Variants in STX8 observed in about 807,000 individuals in gnomAD.
The protein encoded by STX8 is syntaxin 8.
STX8 carries 23 observed loss-of-function variants against 37.5 expected under a neutral mutation model. The observed-to-expected ratio is 0.61, with a 90% confidence interval of 0.44 to 0.87. STX8 has a LOEUF of 0.87. Ranked by LOEUF, STX8 falls within the 40% of genes least tolerant of loss-of-function variation. STX8 has a pLI of 0.00. For synonymous variants in STX8, 115 were observed against 99.1 expected, an observed-to-expected ratio of 1.16 and a Z score of -0.95; for missense variants, 313 against 284.7, an observed-to-expected ratio of 1.10 and a Z score of -0.71.
At chr17:9,419,622 C>A (rs1913349806) in intron 6 of STX8, among the ~76,000 whole-genome samples, 1 of 152,170 alleles carries the variant, frequency 6.6e-6, no homozygotes, top group East Asian at 1.9e-4. Flanking sequence ...TCTTACATTG[C>A]ATGGTGAAAA....
At chr17:9,535,004 T>G (rs1905970235) in intron 4 of STX8, among the ~76,000 whole-genome samples, 1 of 152,146 alleles carries the variant, frequency 6.6e-6, no homozygotes, top group African/African-American at 2.4e-5. Flanking sequence ...GATGAGAAGA[T>G]GAACTACTAA....
chr17:9,351,702 A>G, intron 7 of STX8, among the ~76,000 whole-genome samples: 1 of 152,126 alleles, frequency 6.6e-6, no homozygotes, highest in East Asian at 1.9e-4. Context: ...CCTTTAATCT[A>G]CAATTCTTCT....
At chr17:9,420,264 C>T (rs993943993) in intron 6 of STX8, among the ~76,000 whole-genome samples, 11 of 152,244 alleles carry the variant, frequency 7.2e-5, no homozygotes, top group African/African-American at 2.7e-4. Context: ...TCCTTGCCCA[C>T]AGCAGCGGCC....
intron 7 of STX8, among the ~76,000 whole-genome samples, chr17:9,373,831 C>T (rs557234896): frequency 1.1e-3 from 165 of 151,522 alleles, no homozygotes; most frequent in Admixed American, 2.2e-3. Context: ...CCCAGCCACT[C>T]AGGAGGCTGA....
chr17:9,489,348 C>T (rs1034496919), intron 6 of STX8, among the ~76,000 whole-genome samples: 5 of 152,136 alleles, frequency 3.3e-5, no homozygotes, highest in African/African-American at 1.2e-4. Context: ...GTTTTAAAAG[C>T]AGCCCAGGTG....
chr17:9,360,381 TGCACCACCAC>T (rs958174100), intron 7 of STX8, among the ~76,000 whole-genome samples: 50 of 151,782 alleles, frequency 3.3e-4, no homozygotes, highest in African/African-American at 9.9e-4. Context: ...ATTACAGTCG[TGCACCACCAC>T]GCCCAGCTCA....
intron 7 of STX8, among the ~76,000 whole-genome samples, chr17:9,263,468 A>T (rs748913751): frequency 1.3e-5 from 2 of 152,162 alleles, no homozygotes; most frequent in Non-Finnish European, 2.9e-5. Flanking sequence ...AACAAGAATG[A>T]AACTCCGTCT....
At chr17:9,319,658 T>G (rs1490569896) in intron 7 of STX8, among the ~76,000 whole-genome samples, 1 of 151,722 alleles carries the variant, frequency 6.6e-6, no homozygotes, top group African/African-American at 2.4e-5. Flanking sequence ...AATTTCAAAA[T>G]AAAATGAAAG....
chr17:9,324,047 G>A (rs752077590), intron 7 of STX8, among the ~76,000 whole-genome samples: 48 of 151,728 alleles, frequency 3.2e-4, no homozygotes, highest in African/African-American at 8.7e-4. Flanking sequence ...GAAGCAATGG[G>A]AATTTCAGTA....
Position 9,346,772 on chromosome 17 carries a change from T to C in STX8, c.643+31780A>G, listed in dbSNP as rs539503170. On this transcript the variant is annotated intron_variant, in intron 7 of 7. Transcript: ENST00000306357. ...GGCTACACTGAATCTGGTCTGATGT[T>C]CTTACCAGTTTTATGGCTGTACCAG... Among the ~76,000 whole-genome samples the C allele has an allele frequency of 2.6e-5, 4 of 151,636 alleles. No individual in the cohort carries two copies. In the East Asian group the frequency reaches 7.7e-4, roughly 29 times the overall value.
intron 7 of STX8, among the ~76,000 whole-genome samples, chr17:9,317,149 T>C (rs552967177): frequency 6.6e-6 from 1 of 152,294 alleles, no homozygotes; most frequent in East Asian, 1.9e-4. Context: ...AAAAGAGCCA[T>C]AGCTCTGTAA....
chr17:9,333,945 C>T (rs1910053341), intron 7 of STX8, among the ~76,000 whole-genome samples: 1 of 152,110 alleles, frequency 6.6e-6, no homozygotes, highest in Admixed American at 6.6e-5. Flanking sequence ...GTAATTATCA[C>T]AGAACCGGCT....
chr17:9,464,071 TCAAAAA>T (rs1905509355), intron 6 of STX8, among the ~76,000 whole-genome samples: 1 of 152,122 alleles, frequency 6.6e-6, no homozygotes, highest in South Asian at 2.1e-4. Context: ...CAAGACTGTC[TCAAAAA>T]CAAAAACAAA....
chr17:9,363,759 AG>A (rs1911139830), intron 7 of STX8, among the ~76,000 whole-genome samples: 2 of 152,366 alleles, frequency 1.3e-5, no homozygotes, highest in South Asian at 4.1e-4. Flanking sequence ...AATCAAAAAA[AG>A]ATTCTACTCT....
chr17:9,383,285 C>T (rs1228656401), intron 6 of STX8, among the ~76,000 whole-genome samples: 1 of 152,128 alleles, frequency 6.6e-6, no homozygotes, highest in Non-Finnish European at 1.5e-5. Context: ...GCTACTAAAG[C>T]ACGACTTATG....
intron 6 of STX8, among the ~76,000 whole-genome samples, chr17:9,485,245 G>C (rs899224672): frequency 1.3e-5 from 2 of 152,216 alleles, no homozygotes; most frequent in Non-Finnish European, 2.9e-5. Flanking sequence ...TCGAGGCCAA[G>C]GATGACAGTG....
intron 7 of STX8, among the ~76,000 whole-genome samples, chr17:9,346,238 A>G (rs2142238748): frequency 6.6e-6 from 1 of 152,266 alleles, no homozygotes; most frequent in Non-Finnish European, 1.5e-5. Flanking sequence ...TTTCAACAGG[A>G]GATATCTGTT....
chr17:9,384,836 G>A (rs988076809), intron 6 of STX8, among the ~76,000 whole-genome samples: 1 of 127,000 alleles, frequency 7.9e-6, no homozygotes, highest in Non-Finnish European at 1.7e-5. Flanking sequence ...ACACACGCAC[G>A]TGCTCAATTC....
chr17:9,463,696 T>C (rs1905490453), intron 6 of STX8, among the ~76,000 whole-genome samples: 1 of 152,010 alleles, frequency 6.6e-6, no homozygotes, highest in South Asian at 2.1e-4. Context: ...TCACCTGAGG[T>C]TGGGAGTTTG....
Sources: allele counts gnomAD v4.1 joint callset (sites outside exome capture counted in the v4.1 genomes callset), GRCh38; gene constraint gnomAD v4.1.1; transcripts MANE v1.5; gene names NCBI Gene and HGNC (gene_info 2026-07-23, HGNC 2026-07-21).